The following PPP1R12A variants were observed in gnomAD, a reference collection of about 807,000 sequenced individuals.
PPP1R12A encodes myosin binding subunit.
In PPP1R12A, 19 loss-of-function variants were observed where a neutral mutation model predicts 139.6. The ratio of observed to expected loss-of-function variants is 0.14; its 90% confidence interval spans 0.09 to 0.20. The LOEUF is 0.20. PPP1R12A is among the 10% of genes least tolerant of loss of function. The pLI, the probability that PPP1R12A is intolerant of heterozygous loss-of-function variation, is 1.00. For missense variants in PPP1R12A, 925 were observed against 1,211.5 expected, an observed-to-expected ratio of 0.76 and a Z score of 3.51; for synonymous variants, 427 against 420.6, an observed-to-expected ratio of 1.02 and a Z score of -0.19.
intron 1 of PPP1R12A, among the ~76,000 whole-genome samples, chr12:79,913,235 A>T (rs1220607488): frequency 6.6e-6 from 1 of 152,236 alleles, no homozygotes; most frequent in Non-Finnish European, 1.5e-5. Flanking sequence ...TATGGGTAAT[A>T]ATCTTTTTGT....
At position 79,774,606 on chromosome 12, in the gene PPP1R12A, T is replaced by A. The variant is rs550541162; in HGVS notation, c.*1323A>T. On this transcript the variant is annotated 3_prime_UTR_variant, in exon 25 of 25. Transcript: ENST00000450142. ...GTCCAAATAAAAGCCATCGTCACTA[T>A]GTACTTGGTTTTGCGCTTTTTTTTC... 1.4e-5 allele frequency: 2 copies of A among 143,544 alleles called. No homozygotes were observed. The highest frequency in any genetic ancestry group is 7.5e-5 in the Admixed American group (1 of 13,404). 8.9% of individuals were successfully genotyped at this position (143,544 alleles called of 1,614,324 possible). A position where few individuals can be genotyped will look rare whatever the true frequency, so the allele number is the denominator to read the frequency against.
rs1282366719 is a variant in PPP1R12A at position 79,822,100 on chromosome 12, T to TA, written c.867+15dup. On this transcript the variant is annotated intron_variant, in intron 6 of 24. Coordinates refer to ENST00000450142, the MANE Select transcript of PPP1R12A (RefSeq NM_002480.3). ...TAAGGTAAGTAATATAGGCAATTAT[T>TA]AGTCATCAAACATACCAGATTTTGT... 2.7e-6 allele frequency: 4 copies of TA among 1,461,046 alleles called. No individual in the cohort carries two copies. In the East Asian group the frequency reaches 9.5e-5, roughly 35 times the overall value. The allele number at this position is 1,461,046 out of a possible 1,614,324, so 90.5% of individuals were successfully genotyped here. A position where few individuals can be genotyped will look rare whatever the true frequency, so the allele number is the denominator to read the frequency against.
chr12:79,788,161 C>T (rs536094821), intron 21 of PPP1R12A: 11 of 152,536 alleles, frequency 7.2e-5, no homozygotes, highest in African/African-American at 2.6e-4. Flanking sequence ...ATGCCATAAG[C>T]TTTCTCCTTC....
At chr12:79,843,548 G>T (rs1879004061) in intron 3 of PPP1R12A, among the ~76,000 whole-genome samples, 1 of 151,444 alleles carries the variant, frequency 6.6e-6, no homozygotes, top group Non-Finnish European at 1.5e-5. Context: ...AGGTTGCAGC[G>T]AACCCAGATT....
At chr12:79,843,576 C>G (rs557192192) in intron 3 of PPP1R12A, among the ~76,000 whole-genome samples, 1 of 150,522 alleles carries the variant, frequency 6.6e-6, no homozygotes, top group East Asian at 2.0e-4. Context: ...TGCACTCCAG[C>G]CTGGGTGACA....
chr12:79,861,089 C>T (rs1169383790), intron 2 of PPP1R12A, among the ~76,000 whole-genome samples: 1 of 152,038 alleles, frequency 6.6e-6, no homozygotes, highest in African/African-American at 2.4e-5. Flanking sequence ...AGTAGCCATC[C>T]TAAGGAACAG....
intron 8 of PPP1R12A, 45 bp from the exon 9 acceptor site, chr12:79,817,563 G>C (rs779042633): frequency 1.3e-6 from 2 of 1,504,284 alleles, no homozygotes; most frequent in Non-Finnish European, 1.8e-6. Context: ...ATATATATTT[G>C]GTCTCAATGG....
At chr12:79,844,870 T>C (rs927345859) in intron 3 of PPP1R12A, among the ~76,000 whole-genome samples, 4 of 152,136 alleles carry the variant, frequency 2.6e-5, no homozygotes, top group Non-Finnish European at 5.9e-5. Flanking sequence ...CTTGTATTCA[T>C]TGCTCCCCTT....
chr12:79,859,369 A>C (rs1211760155), intron 2 of PPP1R12A, among the ~76,000 whole-genome samples: 4 of 145,730 alleles, frequency 2.7e-5, no homozygotes, highest in African/African-American at 7.5e-5. Flanking sequence ...AAAAAAAAAA[A>C]CAACAGTGCT....
intron 2 of PPP1R12A, among the ~76,000 whole-genome samples, chr12:79,850,550 A>T (rs898602467): frequency 2.0e-5 from 3 of 152,246 alleles, no homozygotes; most frequent in Non-Finnish European, 4.4e-5. Context: ...AACTTAGTGA[A>T]GAGAGACAAA....
chr12:79,786,030 T>A (rs1298543186), intron 22 of PPP1R12A, among the ~76,000 whole-genome samples: 2 of 152,192 alleles, frequency 1.3e-5, no homozygotes. Flanking sequence ...ATATTTGTAG[T>A]AAACAAAAAC....
At chr12:79,832,876 T>C (rs965352201) in intron 3 of PPP1R12A, among the ~76,000 whole-genome samples, 9 of 152,186 alleles carry the variant, frequency 5.9e-5, no homozygotes, top group African/African-American at 2.2e-4. Context: ...CTATGAAATC[T>C]AGCCTAGCAG....
rs534840403 is a variant in PPP1R12A, at chr12:79,878,044, G to GT, written c.238-5107dup. 3.4e-3 allele frequency among the ~76,000 whole-genome samples: 508 copies of GT among 147,844 alleles called. 2 individuals carry two copies. The highest frequency in any genetic ancestry group is 9.9e-3 in the African/African-American group (403 of 40,634). On this transcript the variant is annotated intron_variant, in intron 1 of 24. Transcript: ENST00000450142. Reference sequence around the variant, plus strand: ...GAAATGCCCACAATATATTAAGAAGGTTTTTTTTTTGTTTGTTTTGTTTTT... The same window carrying GT: ...GAAATGCCCACAATATATTAAGAAGGTTTTTTTTTTTGTTTGTTTTGTTTTT...
chr12:79,900,161 C>T (rs1012362608), intron 1 of PPP1R12A, among the ~76,000 whole-genome samples: 3 of 152,030 alleles, frequency 2.0e-5, no homozygotes, highest in Admixed American at 6.6e-5. Context: ...TTTGGATAAG[C>T]CAGGGCAAAA....
intron 3 of PPP1R12A, among the ~76,000 whole-genome samples, chr12:79,836,072 C>T (rs1426592397): frequency 1.3e-5 from 2 of 152,076 alleles, no homozygotes; most frequent in South Asian, 2.1e-4. Context: ...ATCTCATTAC[C>T]GCATTTGAAG....
Position 79,863,194 on chromosome 12 carries a change from A to C in PPP1R12A, c.368+9614T>G, listed in dbSNP as rs550079006. On this transcript the variant is annotated intron_variant, in intron 2 of 24. Coordinates refer to ENST00000450142, the MANE Select transcript of PPP1R12A (RefSeq NM_002480.3). ...TCTTAAAGAAAAGAATTTTCAACCCAGAATTTCATATCCAGCCAAACTAAG... is the reference window on the plus strand; with the variant it reads ...TCTTAAAGAAAAGAATTTTCAACCCCGAATTTCATATCCAGCCAAACTAAG... Among the ~76,000 whole-genome samples the C allele has an allele frequency of 2.6e-5, 4 of 152,342 alleles. No homozygotes were observed. The South Asian group carries it at 6.2e-4, about 24-fold the overall frequency.
At chr12:79,877,676 T>C (rs1279066920) in intron 1 of PPP1R12A, among the ~76,000 whole-genome samples, 1 of 152,076 alleles carries the variant, frequency 6.6e-6, no homozygotes, top group Non-Finnish European at 1.5e-5. Flanking sequence ...CCACCATGCC[T>C]GGCTAATTCT....
chr12:79,916,850 T>C (rs1400129258), intron 1 of PPP1R12A, among the ~76,000 whole-genome samples: 1 of 152,056 alleles, frequency 6.6e-6, no homozygotes, highest in Non-Finnish European at 1.5e-5. Context: ...ATTTAATCCA[T>C]AAAATATTAC....
intron 20 of PPP1R12A, among the ~76,000 whole-genome samples, chr12:79,789,209 C>T (rs1321509837): frequency 2.0e-5 from 3 of 152,070 alleles, no homozygotes; most frequent in African/African-American, 4.8e-5. Context: ...TGGGAGACTA[C>T]AGGAATGAGC....
Sources: gnomAD v4.1 joint callset for allele counts (sites outside exome capture counted in the v4.1 genomes callset) on GRCh38, gnomAD v4.1.1 for gene constraint, MANE v1.5 for transcripts, NCBI Gene and HGNC (gene_info 2026-07-23, HGNC 2026-07-21) for gene names.